The following CD163 variants were observed in gnomAD, a reference collection of about 807,000 sequenced individuals.
CD163 encodes scavenger receptor cysteine-rich type 1 protein M130.
In CD163, 64 loss-of-function variants were observed where a neutral mutation model predicts 129.2. The observed-to-expected ratio is 0.50, with a 90% CI of 0.41 to 0.61. The LOEUF (loss-of-function observed/expected upper bound fraction) is 0.61, where lower values mean the gene tolerates loss of function less well. Among genes scored for constraint, CD163 ranks in the 20% least tolerant of loss-of-function variants. CD163 has a pLI of 0.00. For missense variants in CD163, 1,061 were observed against 1,377.9 expected, an observed-to-expected ratio of 0.77 and a Z score of 3.64; for synonymous variants, 446 against 478.5, an observed-to-expected ratio of 0.93 and a Z score of 0.89.
chr12:7,486,850 C>A lies in CD163; in HGVS notation c.2144-37G>T, dbSNP rs765615456. ...AATGAAACTATTAATAATGAGCATT[C>A]CACTTGTTATTAATATTTTCATAGA... On this transcript the variant is annotated intron_variant, in intron 9 of 16. Coordinates refer to ENST00000432237, the MANE Select transcript of CD163 (RefSeq NM_203416.4). The A allele has an allele frequency of 5.6e-6, 9 of 1,604,616 alleles. No homozygotes were observed. In the South Asian group the frequency reaches 1.0e-4, roughly 18 times the overall value.
chr12:7,489,657 T>G (rs993839982), intron 6 of CD163, among the ~76,000 whole-genome samples: 4 of 152,074 alleles, frequency 2.6e-5, no homozygotes, highest in African/African-American at 9.7e-5. Flanking sequence ...ATAATCATAA[T>G]CATATTAGCT....
intron 15 of CD163, 47 bp downstream of exon 15, chr12:7,481,114 C>A: frequency 1.3e-6 from 2 of 1,591,274 alleles, no homozygotes; most frequent in Admixed American, 1.7e-5. Flanking sequence ...CAACTGCAGC[C>A]ACTGATCTGA....
chr12:7,477,218 C>T (rs751395468), intron 16 of CD163, among the ~76,000 whole-genome samples: 12 of 150,976 alleles, frequency 7.9e-5, no homozygotes, highest in Non-Finnish European at 1.0e-4. Flanking sequence ...TACCATTTGA[C>T]CCACCAATCC....
chr12:7,485,043 G>A lies in CD163; in HGVS notation c.2779+53C>T, dbSNP rs1046713117. ...TAAAATCCAGTGTCCATTATCAGAA[G>A]ATGATAGCGGGGCTGCAGAATGGAA... is the stretch of plus-strand genomic sequence containing the variant. On this transcript the variant is annotated intron_variant, in intron 11 of 16. Coordinates refer to ENST00000432237, the MANE Select transcript of CD163 (RefSeq NM_203416.4). This position sits in a 1 kb window ranked among gnomAD's most constrained non-coding sequence, Gnocchi z 4.5. 1 of 1,429,594 alleles carries A rather than the reference G, an allele frequency of 7.0e-7. No individual in the cohort carries two copies. The highest frequency in any genetic ancestry group is 9.5e-7 in the Non-Finnish European group (1 of 1,054,106). The allele number at this position is 1,429,594 out of a possible 1,614,324, so 88.6% of individuals were successfully genotyped here.
chr12:7,483,196 C>T (rs945258807), intron 12 of CD163, 171 bp downstream of exon 12: 20 of 799,990 alleles, frequency 2.5e-5, no homozygotes, highest in Non-Finnish European at 3.9e-5. Flanking sequence ...TGGTGAAGGC[C>T]GTTGTATAAC....
intron 6 of CD163, among the ~76,000 whole-genome samples, chr12:7,491,304 T>G (rs1565404793): frequency 6.6e-6 from 1 of 152,096 alleles, no homozygotes; most frequent in Non-Finnish European, 1.5e-5. Flanking sequence ...GGAGACTCCA[T>G]CCTCAGCCTT....
chr12:7,479,932 AG>A lies in CD163; in HGVS notation c.3344-20del. On this transcript the variant is annotated intron_variant, in intron 15 of 16. Transcript: ENST00000432237. ...TGGCCTCCTTTTCCATTCCAGAAAT[AG>A]GAAGAAATTTAGACACAGAAATTAG... 1 of 1,612,884 alleles carries A rather than the reference AG, an allele frequency of 6.2e-7. No homozygotes were observed. The highest frequency in any genetic ancestry group is 8.5e-7 in the Non-Finnish European group (1 of 1,179,408).
At chr12:7,483,296 A>G in intron 12 of CD163, 71 bp downstream of exon 12, 5 of 1,437,598 alleles carry the variant, frequency 3.5e-6, no homozygotes, top group Non-Finnish European at 4.8e-6. Context: ...GTTTTTACAC[A>G]ACACACATCA....
chr12:7,482,496 G>A, intron 14 of CD163, 147 bp downstream of exon 14: 1 of 831,564 alleles, frequency 1.2e-6, no homozygotes, highest in Non-Finnish European at 1.9e-6. Flanking sequence ...GAGCCACTGT[G>A]CCTGGCCCTT....
rs924157934 is a variant in CD163 at position 7,485,839 on chromosome 12, C to T, written c.2459-423G>A. Among the ~76,000 whole-genome samples the T allele has an allele frequency of 6.6e-6, 1 of 152,262 alleles. No homozygotes were observed. Among genetic ancestry groups the T allele is most frequent in the Non-Finnish European group, 1.5e-5 (1 of 68,006 alleles). The stretch of plus-strand genomic sequence containing the variant: ...CATTTGCTGACACTTCACAGTTTTG[C>T]AGTGCATGTCTTCTACCAGATTTAT... On this transcript the variant is annotated intron_variant, in intron 10 of 16. Coordinates refer to ENST00000432237, the MANE Select transcript of CD163 (RefSeq NM_203416.4). The surrounding 1 kb of genome is among the most constrained non-coding windows in gnomAD (Gnocchi z 4.5).
At position 7,487,764 on chromosome 12, in the gene CD163, G is replaced by C. The variant is rs747609354; in HGVS notation, c.1735+9C>G. On this transcript the variant is annotated intron_variant, in intron 7 of 16. Coordinates refer to ENST00000432237, the MANE Select transcript of CD163 (RefSeq NM_203416.4). This position sits in a 1 kb window ranked among gnomAD's most constrained non-coding sequence, Gnocchi z 5.1. ...TGAGAACCAATTAAAGATGTTTTCT[G>C]GGTCTTACTTGAGCAGACTACTCCA... 5 of 1,613,858 alleles carry C rather than the reference G, an allele frequency of 3.1e-6. No homozygotes were observed. The East Asian group carries it at 1.1e-4, about 36-fold the overall frequency.
rs770034027 is a variant in CD163, at chr12:7,486,479, A to G, written c.2458+20T>C. The G allele has an allele frequency of 6.8e-5, 109 of 1,593,790 alleles. No homozygotes were observed. The highest frequency in any genetic ancestry group is 1.7e-6 in the Non-Finnish European group (2 of 1,164,660). On this transcript the variant is annotated intron_variant, in intron 10 of 16. Transcript: ENST00000432237. The stretch of plus-strand genomic sequence containing the variant: ...CCTTTCTCTATGTAATTATGACCAA[A>G]GGTCATATGCATAATTTACCTGAGC...
At chr12:7,480,045 C>T (rs777140419) in intron 15 of CD163, 132 bp from the exon 16 acceptor site, 6 of 1,569,432 alleles carry the variant, frequency 3.8e-6, no homozygotes, top group Middle Eastern at 1.7e-4. Context: ...CCTCTTCTCA[C>T]GTAACTGTGA....
At position 7,496,613 on chromosome 12, in the gene CD163, G is replaced by A. The variant is rs1178044057; in HGVS notation, c.1099+200C>T. Among the ~76,000 whole-genome samples, 3 of 152,182 alleles carry A rather than the reference G, an allele frequency of 2.0e-5. No individual in the cohort carries two copies. Among genetic ancestry groups the A allele is most frequent in the Non-Finnish European group, 4.4e-5 (3 of 68,026 alleles). The stretch of plus-strand genomic sequence containing the variant: ...AAGCAGTCTGAGTAATTATTACAGA[G>A]AATGCCGTCAGACAACCTTCCAAAC... On this transcript the variant is annotated intron_variant, in intron 5 of 16. Transcript: ENST00000432237. This position sits in a 1 kb window ranked among gnomAD's most constrained non-coding sequence, Gnocchi z 4.8.
rs201736696 is a variant in CD163, at chr12:7,481,177, G to A, written c.3327C>T (p.Asp1109=). Residue 1109 remains aspartate (D), a synonymous_variant, in exon 15 of 17, where the codon GAC becomes GAT. Transcript: ENST00000432237. ...CCCACAGACCTGAGGAATTCATTAG[G>A]TCCAGATCATCTGCATTCAGGCAAG... ...MNSCLNADDL[D]LMNSSGGHSE... 1 of 1,613,744 alleles carries A rather than the reference G, an allele frequency of 6.2e-7. No homozygotes were observed. Among genetic ancestry groups the A allele is most frequent in the Non-Finnish European group, 8.5e-7 (1 of 1,179,804 alleles).
chr12:7,498,124 T>TACACACACACACAC (rs571405606), intron 4 of CD163, among the ~76,000 whole-genome samples: 4 of 148,848 alleles, frequency 2.7e-5, no homozygotes, highest in African/African-American at 1.0e-4. Flanking sequence ...TTCCTTTATT[T>TACACACACACACAC]ACACACACAC....
chr12:7,481,314 G>T, intron 14 of CD163, 58 bp from the exon 15 acceptor site: 1 of 1,363,970 alleles, frequency 7.3e-7, no homozygotes, highest in Non-Finnish European at 1.0e-6. Flanking sequence ...TTCCCTTGCT[G>T]TAAGTGTGTT....
chr12:7,474,055 T>C (rs1051656035), intron 16 of CD163, among the ~76,000 whole-genome samples: 6 of 152,080 alleles, frequency 3.9e-5, no homozygotes, highest in Non-Finnish European at 8.8e-5. Context: ...ATGCACCCAA[T>C]ACAGGAGCAC....
At chr12:7,486,444 C>A (rs1949249214) in intron 10 of CD163, 55 bp downstream of exon 10, 1 of 1,499,674 alleles carries the variant, frequency 6.7e-7, no homozygotes, top group African/African-American at 1.4e-5. Context: ...CCTCACTACC[C>A]TTCCTCAGTC....
Sources: allele counts gnomAD v4.1 joint callset (sites outside exome capture counted in the v4.1 genomes callset), GRCh38; gene constraint gnomAD v4.1.1; non-coding constraint Gnocchi (gnomAD v3.1); transcripts MANE v1.5; gene names NCBI Gene and HGNC (gene_info 2026-07-23, HGNC 2026-07-21).